HPSE2: variants seen among roughly 807,000 people sequenced by gnomAD.
HPSE2 encodes inactive heparanase-2.
Under a neutral mutation model 60.5 loss-of-function variants are expected in HPSE2, and 38 were observed. The observed-to-expected ratio is 0.63, with a 90% confidence interval of 0.48 to 0.82. The LOEUF (loss-of-function observed/expected upper bound fraction) is 0.82. Ranked by LOEUF, HPSE2 falls within the 40% of genes least tolerant of loss-of-function variation. HPSE2 has a pLI of 0.00. For missense variants in HPSE2, 713 were observed against 740.4 expected (o/e 0.96, Z 0.43); for synonymous variants, 295 against 293.2 (o/e 1.01, Z -0.06).
intron 3 of HPSE2, among the ~76,000 whole-genome samples, chr10:99,040,862 G>A (rs71486192): frequency 0.099 from 15,064 of 152,080 alleles, 811 homozygotes; most frequent in South Asian, 0.18. Context: ...CGAGGCGAGC[G>A]GATCACAAGA....
At chr10:99,079,143 G>A (rs890179606) in intron 3 of HPSE2, among the ~76,000 whole-genome samples, 2 of 152,244 alleles carry the variant, frequency 1.3e-5, no homozygotes, top group African/African-American at 4.8e-5. Context: ...TGTCTGCACT[G>A]GTCCCCAGGC....
intron 1 of HPSE2, 70 bp from the exon 2 acceptor site, chr10:99,232,575 G>C: frequency 2.0e-6 from 3 of 1,504,468 alleles, no homozygotes; most frequent in Non-Finnish European, 2.7e-6. Flanking sequence ...CACGGAGAAG[G>C]GCCCTCTTCC....
chr10:98,904,812 G>T (rs1377278515), intron 3 of HPSE2, among the ~76,000 whole-genome samples: 2 of 152,098 alleles, frequency 1.3e-5, no homozygotes, highest in East Asian at 3.9e-4. Context: ...AAAAATAATG[G>T]TAAAAGTAAA....
chr10:98,600,460 A>T (rs1212784879), intron 9 of HPSE2, among the ~76,000 whole-genome samples: 1 of 152,164 alleles, frequency 6.6e-6, no homozygotes, highest in Non-Finnish European at 1.5e-5. Context: ...TCATACACTT[A>T]CATACTCAGT....
rs114705515 is a variant in HPSE2, at chr10:98,862,439, T to C, written c.611-118383A>G. Among the ~76,000 whole-genome samples the C allele has an allele frequency of 5.9e-3, 897 of 152,310 alleles. 9 individuals carry two copies. The highest frequency in any genetic ancestry group is 0.02 in the African/African-American group (840 of 41,562). On this transcript the variant is annotated intron_variant, in intron 3 of 11. Transcript: ENST00000370552. ...CTTGATATTTAATCTCTCTGATATG[T>C]ACAGTGGCACTTGTAATACTTGTCC...
chr10:99,186,845 C>A (rs746331962), intron 2 of HPSE2, among the ~76,000 whole-genome samples: 1 of 152,082 alleles, frequency 6.6e-6, no homozygotes, highest in African/African-American at 2.4e-5. Flanking sequence ...AACACAGTCA[C>A]GGCTCACTGC....
intron 2 of HPSE2, among the ~76,000 whole-genome samples, chr10:99,188,330 G>A (rs1848103487): frequency 6.6e-6 from 1 of 152,088 alleles, no homozygotes; most frequent in African/African-American, 2.4e-5. Context: ...TGAGGAATAG[G>A]AATGTTATAT....
intron 9 of HPSE2, among the ~76,000 whole-genome samples, chr10:98,537,664 T>TC (rs1382558431): frequency 6.6e-6 from 1 of 152,130 alleles, no homozygotes; most frequent in Non-Finnish European, 1.5e-5. Context: ...GGCTCCTTGG[T>TC]CAAGCGGTAA....
At chr10:98,804,196 T>G (rs924560512) in intron 3 of HPSE2, among the ~76,000 whole-genome samples, 4 of 152,140 alleles carry the variant, frequency 2.6e-5, no homozygotes, top group Non-Finnish European at 5.9e-5. Context: ...TTGCTGAAGT[T>G]GCTTATCAGC....
intron 3 of HPSE2, among the ~76,000 whole-genome samples, chr10:99,005,883 G>A (rs1033811636): frequency 6.6e-6 from 1 of 152,140 alleles, no homozygotes; most frequent in African/African-American, 2.4e-5. Context: ...TTGTCCATAG[G>A]TGGGTTTACT....
At chr10:99,122,444 ACT>A (rs1487832818) in intron 3 of HPSE2, among the ~76,000 whole-genome samples, 7 of 151,934 alleles carry the variant, frequency 4.6e-5, no homozygotes, top group African/African-American at 1.4e-4. Context: ...AACACAAAAC[ACT>A]CTATGAATAA....
intron 3 of HPSE2, among the ~76,000 whole-genome samples, chr10:99,078,030 C>T (rs934190708): frequency 3.3e-5 from 5 of 152,102 alleles, no homozygotes; most frequent in Non-Finnish European, 7.4e-5. Context: ...CTCTGTCTTG[C>T]TCCCGTTCCA....
At chr10:98,675,844 A>T (rs559984229) in intron 6 of HPSE2, among the ~76,000 whole-genome samples, 13 of 152,042 alleles carry the variant, frequency 8.6e-5, no homozygotes, top group African/African-American at 2.2e-4. Context: ...AGCCTGGGAA[A>T]TTTTTTTGTA....
At chr10:99,065,550 C>T (rs1324972685) in intron 3 of HPSE2, among the ~76,000 whole-genome samples, 1 of 152,144 alleles carries the variant, frequency 6.6e-6, no homozygotes. Context: ...AACTGATGGG[C>T]CCTGTCCTCA....
intron 6 of HPSE2, among the ~76,000 whole-genome samples, chr10:98,660,839 T>C (rs1212847294): frequency 6.6e-6 from 1 of 152,244 alleles, no homozygotes; most frequent in African/African-American, 2.4e-5. Flanking sequence ...CTTTCATCTA[T>C]ATGGAACCCA....
the HPSE2 span, among the ~76,000 whole-genome samples, chr10:99,261,649 A>G: frequency 6.6e-6 from 1 of 152,186 alleles, no homozygotes; most frequent in Non-Finnish European, 1.5e-5. Context: ...CTGACATTAG[A>G]GAAAGCTCCA....
At chr10:98,796,877 C>A (rs78532814) in intron 3 of HPSE2, among the ~76,000 whole-genome samples, 2 of 152,286 alleles carry the variant, frequency 1.3e-5, no homozygotes, top group Non-Finnish European at 2.9e-5. Flanking sequence ...GAACAAGAGT[C>A]TCTGCTTGGT....
At chr10:99,305,310 G>T in the HPSE2 span, among the ~76,000 whole-genome samples, 1 of 152,174 alleles carries the variant, frequency 6.6e-6, no homozygotes, top group East Asian at 1.9e-4. Context: ...TTTCCACAGA[G>T]CCTTGGTTCT....
chr10:99,044,038 T>C (rs1957801301), intron 3 of HPSE2, among the ~76,000 whole-genome samples: 1 of 152,096 alleles, frequency 6.6e-6, no homozygotes, highest in South Asian at 2.1e-4. Context: ...CTATACAATA[T>C]GACTATCCCT....
Sources: gnomAD v4.1 joint callset for allele counts (sites outside exome capture counted in the v4.1 genomes callset) on GRCh38, gnomAD v4.1.1 for gene constraint, MANE v1.5 for transcripts, NCBI Gene and HGNC (gene_info 2026-07-23, HGNC 2026-07-21) for gene names.